The following THSD4 variants were observed in gnomAD, a reference collection of about 807,000 sequenced individuals.
The protein encoded by THSD4 is thrombospondin type-1 domain-containing protein 4.
In THSD4, 69 loss-of-function variants were observed where a neutral mutation model predicts 119.0. The observed-to-expected ratio is 0.58, with a 90% CI of 0.48 to 0.71. THSD4 has a LOEUF of 0.71. THSD4 is among the 30% of genes least tolerant of loss of function. THSD4 has a pLI of 0.00. For synonymous variants in THSD4, 524 were observed against 540.4 expected (o/e 0.97, Z 0.42); for missense variants, 1,393 against 1,391.1 (o/e 1.00, Z -0.02).
At chr15:71,606,162 T>G (rs2050105679) in intron 7 of THSD4, among the ~76,000 whole-genome samples, 1 of 152,242 alleles carries the variant, frequency 6.6e-6, no homozygotes, top group East Asian at 1.9e-4. Context: ...GAAGAGAAAA[T>G]ACTGTCTCTG....
intron 5 of THSD4, 39 bp downstream of exon 5, chr15:71,243,135 G>C (rs1242269887): frequency 1.3e-6 from 2 of 1,562,374 alleles, no homozygotes; most frequent in Non-Finnish European, 8.7e-7. Flanking sequence ...GGAAACAGCT[G>C]CCCCTCGTTT....
chr15:71,751,404 T>C (rs954513469), intron 14 of THSD4, among the ~76,000 whole-genome samples: 3 of 152,076 alleles, frequency 2.0e-5, no homozygotes, highest in African/African-American at 7.2e-5. Context: ...CAAAAGAAAA[T>C]TTGAGATTAA....
At chr15:71,649,222 C>T (rs1411112127) in intron 7 of THSD4, among the ~76,000 whole-genome samples, 1 of 152,128 alleles carries the variant, frequency 6.6e-6, no homozygotes, top group East Asian at 1.9e-4. Context: ...CTCTCCAGCA[C>T]TGGAAGCAAA....
At chr15:71,435,530 G>C (rs2047001194) in intron 7 of THSD4, among the ~76,000 whole-genome samples, 1 of 152,154 alleles carries the variant, frequency 6.6e-6, no homozygotes, top group Non-Finnish European at 1.5e-5. Context: ...AGCCAAAAAG[G>C]CTTTTTTCAT....
intron 7 of THSD4, among the ~76,000 whole-genome samples, chr15:71,512,796 G>A (rs2048302026): frequency 6.6e-6 from 1 of 152,056 alleles, no homozygotes; most frequent in Non-Finnish European, 1.5e-5. Context: ...CAGAGCAACT[G>A]CGTAAGTGTT....
chr15:71,132,825 C>T (rs1169900952), intron 1 of THSD4, among the ~76,000 whole-genome samples: 1 of 152,202 alleles, frequency 6.6e-6, no homozygotes, highest in Non-Finnish European at 1.5e-5. Flanking sequence ...TACGCTCATG[C>T]ACAGATGTAC....
At chr15:71,747,120 T>A in intron 13 of THSD4, 78 bp downstream of exon 13, 1 of 1,474,458 alleles carries the variant, frequency 6.8e-7, no homozygotes, top group Non-Finnish European at 9.1e-7. Flanking sequence ...CACCAAGACC[T>A]GAGATGGGTA....
Position 71,451,301 on chromosome 15 carries a change from A to G in THSD4, c.1152+39478A>G, listed in dbSNP as rs116448941. The stretch of plus-strand genomic sequence containing the variant: ...GATAAAAAGTCTGTTGAGTAATACA[A>G]GTTGCTTCTGAGCAGCCCTTGGGAG... On this transcript the variant is annotated intron_variant, in intron 7 of 17. Transcript: ENST00000261862. 3.2e-3 allele frequency among the ~76,000 whole-genome samples: 483 copies of G among 152,352 alleles called. 5 individuals are homozygous for G. The highest frequency in any genetic ancestry group is 0.011 in the African/African-American group (462 of 41,582).
At chr15:71,510,217 T>G (rs2140754010) in intron 7 of THSD4, among the ~76,000 whole-genome samples, 1 of 152,326 alleles carries the variant, frequency 6.6e-6, no homozygotes, top group South Asian at 2.1e-4. Flanking sequence ...AAACACTCAG[T>G]AATTGGTAGA....
chr15:71,654,903 C>G (rs2051159411), intron 7 of THSD4, among the ~76,000 whole-genome samples: 1 of 152,190 alleles, frequency 6.6e-6, no homozygotes, highest in Admixed American at 6.5e-5. Flanking sequence ...CCTCCACTAT[C>G]TGAATGCCTG....
chr15:71,125,089 G>A (rs1334826180), intron 1 of THSD4, among the ~76,000 whole-genome samples: 6 of 151,798 alleles, frequency 4.0e-5, no homozygotes, highest in Admixed American at 3.9e-4. Flanking sequence ...GAAGAGAAGA[G>A]GAGAGAAGGT....
chr15:71,762,099 A>C (rs1009931463), intron 15 of THSD4, among the ~76,000 whole-genome samples: 1 of 151,986 alleles, frequency 6.6e-6, no homozygotes, highest in African/African-American at 2.4e-5. Context: ...CTGGTCCATC[A>C]AGGCTGATTG....
chr15:71,195,386 A>G (rs2043710664), intron 3 of THSD4, among the ~76,000 whole-genome samples: 1 of 152,198 alleles, frequency 6.6e-6, no homozygotes, highest in African/African-American at 2.4e-5. Context: ...AAATGGGAAA[A>G]GTCCAGTAGA....
chr15:71,586,350 T>G (rs1161671748), intron 7 of THSD4, among the ~76,000 whole-genome samples: 1 of 152,228 alleles, frequency 6.6e-6, no homozygotes, highest in African/African-American at 2.4e-5. Context: ...CTAGGTTTTC[T>G]GTTCACGGTC....
chr15:71,296,027 G>A (rs2044857975), intron 6 of THSD4, among the ~76,000 whole-genome samples: 1 of 152,120 alleles, frequency 6.6e-6, no homozygotes, highest in Admixed American at 6.5e-5. Context: ...TATGGCAATT[G>A]TATGATATGT....
At chr15:71,589,632 A>C (rs990695124) in intron 7 of THSD4, among the ~76,000 whole-genome samples, 2 of 139,598 alleles carry the variant, frequency 1.4e-5, no homozygotes, top group African/African-American at 5.0e-5. Context: ...TGCTGATATT[A>C]CAGGCATGAG....
At chr15:71,531,333 A>G (rs191992975) in intron 7 of THSD4, among the ~76,000 whole-genome samples, 2 of 152,322 alleles carry the variant, frequency 1.3e-5, no homozygotes, top group Non-Finnish European at 2.9e-5. Flanking sequence ...TCTACTCAAG[A>G]TGTGGAAATT....
chr15:71,602,553 CAAAAAA>C (rs59370074), intron 7 of THSD4, among the ~76,000 whole-genome samples: 145 of 53,898 alleles, frequency 2.7e-3, no homozygotes, highest in Middle Eastern at 0.029. Context: ...AACTCTGTCT[CAAAAAA>C]AAAAAAAAAA....
At chr15:71,319,317 G>A (rs1333120011) in intron 6 of THSD4, among the ~76,000 whole-genome samples, 2 of 151,882 alleles carry the variant, frequency 1.3e-5, no homozygotes, top group Non-Finnish European at 2.9e-5. Context: ...ATGTATACAT[G>A]TGCCATGTTG....
Sources: allele counts gnomAD v4.1 joint callset (sites outside exome capture counted in the v4.1 genomes callset), GRCh38; gene constraint gnomAD v4.1.1; transcripts MANE v1.5; gene names NCBI Gene and HGNC (gene_info 2026-07-23, HGNC 2026-07-21).